The following RGL3 variants were observed in gnomAD, a reference collection of about 807,000 sequenced individuals.
The protein encoded by RGL3 is ral guanine nucleotide dissociation stimulator-like 3.
In RGL3, 85 loss-of-function variants were observed where a neutral mutation model predicts 90.6. The ratio of observed to expected loss-of-function variants is 0.94; its 90% CI spans 0.79 to 1.12. RGL3 has a LOEUF of 1.12. Among genes scored for constraint, RGL3 ranks in the 50% most tolerant of loss-of-function variants. The probability of loss-of-function intolerance (pLI) is 0.00; values close to 1 mark genes in which losing one functional copy is unlikely to be tolerated. For missense variants in RGL3, 1,034 were observed against 939.2 expected (o/e 1.10, Z -1.32); for synonymous variants, 408 against 385.5 (o/e 1.06, Z -0.68).
rs771398199 is a variant in RGL3 at position 11,405,494 on chromosome 19, C to CTTTTTTT, written c.997-75_997-69dup. The CTTTTTTT allele has an allele frequency of 9.1e-4, 150 of 164,000 alleles. 18 individuals carry two copies. The highest frequency in any genetic ancestry group is 1.3e-3 in the Admixed American group (11 of 8,788). The allele number at this position is 164,000 out of a possible 1,614,324, so 10.2% of individuals were successfully genotyped here. On this transcript the variant is annotated intron_variant, in intron 7 of 18. Coordinates refer to ENST00000380456, the MANE Select transcript of RGL3 (RefSeq NM_001035223.4). The stretch of plus-strand genomic sequence containing the variant: ...ACCTTTCATCCTGAAACTTCTTCAT[C>CTTTTTTT]TTTTTTTTTTTTTTTTTTTTTTTTT...
At chr19:11,418,857 A>ACT (rs1969054401) in intron 1 of RGL3, 73 bp from the exon 2 acceptor site, 4 of 1,244,074 alleles carry the variant, frequency 3.2e-6, no homozygotes, top group African/African-American at 1.5e-5. Flanking sequence ...GGCCGCTCGG[A>ACT]CTCGGGCCGA....
At chr19:11,405,855 C>T (rs1221367526) in intron 7 of RGL3, among the ~76,000 whole-genome samples, 1 of 151,122 alleles carries the variant, frequency 6.6e-6, no homozygotes, top group Admixed American at 6.6e-5. Context: ...ACCACCACAC[C>T]CGGCTAATTT....
intron 2 of RGL3, among the ~76,000 whole-genome samples, chr19:11,417,599 A>G (rs1969026640): frequency 6.6e-6 from 1 of 150,464 alleles, no homozygotes; most frequent in African/African-American, 2.5e-5. Context: ...CCTCCCAAGT[A>G]TCTGGGATTA....
At chr19:11,410,934 C>T (rs569028547) in intron 5 of RGL3, among the ~76,000 whole-genome samples, 7 of 152,096 alleles carry the variant, frequency 4.6e-5, no homozygotes, top group South Asian at 2.1e-4. Flanking sequence ...ACCGGTAGGG[C>T]GTGGTGACTC....
chr19:11,394,747 C>A (rs1047571849), intron 18 of RGL3: 4 of 488,186 alleles, frequency 8.2e-6, no homozygotes, highest in African/African-American at 7.9e-5. Flanking sequence ...TGGGCAACCT[C>A]CTAATATTCT....
intron 5 of RGL3, among the ~76,000 whole-genome samples, chr19:11,415,445 G>A (rs1039501638): frequency 4.6e-5 from 7 of 152,092 alleles, no homozygotes; most frequent in African/African-American, 1.4e-4. Context: ...GGAGGGAAAA[G>A]TATTAGACAC....
Position 11,405,389 on chromosome 19 carries a change from G to A in RGL3, c.1034C>T (p.Ala345Val), listed in dbSNP as rs779222382. The A allele has an allele frequency of 1.2e-6, 2 of 1,607,214 alleles. No homozygotes were observed. Among genetic ancestry groups the A allele is most frequent in the Middle Eastern group, 1.7e-4 (1 of 5,878 alleles). The change falls in exon 8 of 19, where the codon GCC becomes GTC. Residue 345 changes from alanine (A) to valine (V), a missense_variant. Coordinates refer to ENST00000380456, the MANE Select transcript of RGL3 (RefSeq NM_001035223.4). ...RELRNFSSLR[A>V]ILSALQSNPI... ...GTTAGATTGCAGGGCGGACAGGATG[G>A]CGCGCAAGGAGGAGAAGTTCCGCAG... is the stretch of plus-strand genomic sequence containing the variant.
At chr19:11,406,167 C>G (rs1175959851) in intron 7 of RGL3, among the ~76,000 whole-genome samples, 1 of 152,080 alleles carries the variant, frequency 6.6e-6, no homozygotes, top group Non-Finnish European at 1.5e-5. Context: ...CCCCTCCAGC[C>G]CCTGCCTCCG....
rs939607739 is a variant in RGL3, at chr19:11,399,930, G to T, written c.1671C>A (p.Pro557=). 6.5e-6 allele frequency: 10 copies of T among 1,542,598 alleles called. No homozygotes were observed. The African/African-American group carries it at 1.1e-4, about 17-fold the overall frequency. ...PTSSVSPGSP[P]SSPRSRDAPA... The stretch of plus-strand genomic sequence containing the variant: ...GAGCATCTCTGCTTCTAGGACTTGA[G>T]GGGGGTGACCCTGGGGACACACTGG... Residue 557 remains proline (P), a synonymous_variant, in exon 16 of 19, where the codon CCC becomes CCA. Transcript: ENST00000380456.
Position 11,394,495 on chromosome 19 carries a change from G to A in RGL3, c.2040C>T (p.Asn680=). Residue 680 remains asparagine, a synonymous_variant, in exon 19 of 19, where the codon AAC becomes AAT. Coordinates refer to ENST00000380456, the MANE Select transcript of RGL3 (RefSeq NM_001035223.4). The part of the protein sequence containing the change: ...DRVLLIPDNA[N]VFYAMSPVAP... The stretch of plus-strand genomic sequence containing the variant: ...CGACTGGACTCATGGCATAGAAGAC[G>A]TTGGCATTGTCAGGAATCAGGAGCA... 6 of 1,613,954 alleles carry A rather than the reference G, an allele frequency of 3.7e-6. No homozygotes were observed. The highest frequency in any genetic ancestry group is 1.6e-4 in the Middle Eastern group (1 of 6,062).
rs1213961717 is a variant in RGL3, at chr19:11,415,973, G to T, written c.601C>A (p.Arg201=). 2.5e-6 allele frequency: 4 copies of T among 1,613,492 alleles called. No individual in the cohort carries two copies. The highest frequency in any genetic ancestry group is 3.4e-6 in the Non-Finnish European group (4 of 1,179,888). Reference sequence around the variant, plus strand: ...TGAGGCGGCTCCTCTTCCTGCTCTCGCTCAGCCTCCTCCAAAAAATCTTCC... The same window carrying T: ...TGAGGCGGCTCCTCTTCCTGCTCTCTCTCAGCCTCCTCCAAAAAATCTTCC... ...LLEDFLEEAE[R]EQEEEPPQVW... The change falls in exon 5 of 19, where the codon CGA becomes AGA. Residue 201 remains arginine (R), a synonymous_variant. Coordinates refer to ENST00000380456, the MANE Select transcript of RGL3 (RefSeq NM_001035223.4).
intron 7 of RGL3, among the ~76,000 whole-genome samples, chr19:11,406,060 G>A (rs117349628): frequency 6.6e-6 from 1 of 151,562 alleles, no homozygotes; most frequent in Non-Finnish European, 1.5e-5. Flanking sequence ...CGGACCCCTG[G>A]GTGTTGTCTC....
chr19:11,396,925 C>T (rs892089416), intron 18 of RGL3, among the ~76,000 whole-genome samples: 1 of 152,108 alleles, frequency 6.6e-6, no homozygotes, highest in East Asian at 1.9e-4. Context: ...AGCTTGACCT[C>T]CCAAAGTGCT....
chr19:11,394,208 T>C lies in RGL3; in HGVS notation c.*194A>G, dbSNP rs983788081. 3 of 578,398 alleles carry C rather than the reference T, an allele frequency of 5.2e-6. No individual in the cohort carries two copies. Among genetic ancestry groups the C allele is most frequent in the African/African-American group, 1.9e-5 (1 of 53,412 alleles). 35.8% of individuals were successfully genotyped at this position (578,398 alleles called of 1,614,324 possible). A position where few individuals can be genotyped will look rare whatever the true frequency, so the allele number is the denominator to read the frequency against. On this transcript the variant is annotated 3_prime_UTR_variant, in exon 19 of 19. Transcript: ENST00000380456. The stretch of plus-strand genomic sequence containing the variant: ...GATTGAGCTCTCCACCAGCCACCCA[T>C]GGGCTGATGTCTTTGGAATATGGAT...
At position 11,406,493 on chromosome 19, in the gene RGL3, AAC is replaced by A; in HGVS notation, c.920_921del (p.Gly307ValfsTer46). ...GCCAAGCCCGGTGCTCCGAGCACGG[AAC>A]CCAGCACACAGCCGGTCACGGTGTT... ...QFNTVTGCVL[G>X]SVLGAPGLAA... On this transcript the variant is annotated frameshift_variant, in exon 7 of 19. Transcript: ENST00000380456. LOFTEE classifies it high-confidence loss of function. 1 of 1,555,274 alleles carries A rather than the reference AAC, an allele frequency of 6.4e-7. No individual in the cohort carries two copies. The highest frequency in any genetic ancestry group is 1.2e-5 in the South Asian group (1 of 84,776).
intron 16 of RGL3, among the ~76,000 whole-genome samples, chr19:11,398,999 A>G (rs1176376791): frequency 4.6e-5 from 7 of 151,872 alleles, no homozygotes; most frequent in South Asian, 2.1e-4. Context: ...ATCTCGCTCT[A>G]TCATGCAGGC....
intron 5 of RGL3, among the ~76,000 whole-genome samples, chr19:11,411,652 C>T (rs201868038): frequency 1.3e-5 from 2 of 152,302 alleles, no homozygotes; most frequent in East Asian, 3.9e-4. Context: ...GGCAGGGTCT[C>T]GCTCTGTCAC....
In RGL3 at chr19:11,402,195, C is replaced by A; in HGVS notation, c.1362+20G>T. ...CCCCCACCCTCAGGCACCACCACAC[C>A]CACTGTAGCCTCCACTCACCTTCCT... On this transcript the variant is annotated intron_variant, in intron 12 of 18. Transcript: ENST00000380456. The A allele has an allele frequency of 7.4e-6, 12 of 1,613,464 alleles. No homozygotes were observed. Among genetic ancestry groups the A allele is most frequent in the Non-Finnish European group, 1.0e-5 (12 of 1,179,920 alleles).
intron 5 of RGL3, among the ~76,000 whole-genome samples, chr19:11,409,855 C>G (rs1420381482): frequency 6.6e-6 from 1 of 152,216 alleles, no homozygotes; most frequent in African/African-American, 2.4e-5. Flanking sequence ...AAGCATTACC[C>G]ATTGAAAACA....
Sources: allele counts gnomAD v4.1 joint callset (sites outside exome capture counted in the v4.1 genomes callset), GRCh38; gene constraint gnomAD v4.1.1; transcripts MANE v1.5; gene names NCBI Gene and HGNC (gene_info 2026-07-23, HGNC 2026-07-21).